The following ATP13A5 variants were observed in gnomAD, a reference collection of about 807,000 sequenced individuals.
ATP13A5 encodes probable cation-transporting ATPase 13A5.
Under a neutral mutation model 150.2 loss-of-function variants are expected in ATP13A5, and 149 were observed. That is an observed-to-expected ratio of 0.99 (90% confidence interval 0.87 to 1.14). ATP13A5 has a LOEUF of 1.14. Ranked by LOEUF, ATP13A5 falls within the 50% of genes most tolerant of loss-of-function variation. The pLI is 0.00. For synonymous variants in ATP13A5, 497 were observed against 522.2 expected (o/e 0.95, Z 0.66); for missense variants, 1,383 against 1,449.3 (o/e 0.95, Z 0.74).
At chr3:193,301,149 T>G in intron 24 of ATP13A5, 62 bp downstream of exon 24, 1 of 1,287,262 alleles carries the variant, frequency 7.8e-7, no homozygotes, top group Non-Finnish European at 1.1e-6. Context: ...AGCTACACCC[T>G]GAATAATAAA....
At chr3:193,372,037 A>C (rs1713458422) in intron 1 of ATP13A5, among the ~76,000 whole-genome samples, 1 of 151,996 alleles carries the variant, frequency 6.6e-6, no homozygotes, top group South Asian at 2.1e-4. Flanking sequence ...GCGGTGGCTC[A>C]CACCTGTAAT....
intron 25 of ATP13A5, among the ~76,000 whole-genome samples, chr3:193,293,347 A>G (rs1268208508): frequency 1.3e-5 from 2 of 152,128 alleles, no homozygotes; most frequent in African/African-American, 4.8e-5. Flanking sequence ...AGGAATACTA[A>G]CTTCTGAAGT....
intron 19 of ATP13A5, chr3:193,312,882 G>T (rs1473262910): frequency 6.6e-6 from 1 of 152,152 alleles, no homozygotes; most frequent in African/African-American, 2.4e-5. Context: ...CCTGAGACAA[G>T]GGCAGGAATT....
intron 7 of ATP13A5, among the ~76,000 whole-genome samples, chr3:193,347,042 T>C (rs185856502): frequency 5.9e-4 from 90 of 152,274 alleles, no homozygotes; most frequent in African/African-American, 2.0e-3. Flanking sequence ...ATTTAGTCGT[T>C]TTCTCTGTAA....
chr3:193,356,221 T>C (rs961535277), intron 5 of ATP13A5, among the ~76,000 whole-genome samples: 13 of 151,976 alleles, frequency 8.6e-5, no homozygotes, highest in African/African-American at 1.9e-4. Flanking sequence ...TTTTTCATTA[T>C]AGTGCATATA....
At chr3:193,363,123 A>G (rs1290448883) in intron 3 of ATP13A5, 113 bp downstream of exon 3, 1 of 1,289,448 alleles carries the variant, frequency 7.8e-7, no homozygotes, top group Non-Finnish European at 1.1e-6. Context: ...TCTTTGATAC[A>G]TAGCTGTCAT....
chr3:193,347,960 C>A (rs78112049), intron 7 of ATP13A5, among the ~76,000 whole-genome samples: 1 of 152,158 alleles, frequency 6.6e-6, no homozygotes, highest in Non-Finnish European at 1.5e-5. Context: ...AAGAAAGGCA[C>A]CATGTACATT....
intron 26 of ATP13A5, among the ~76,000 whole-genome samples, chr3:193,289,245 C>A (rs1227505577): frequency 1.3e-5 from 2 of 152,038 alleles, no homozygotes; most frequent in African/African-American, 4.8e-5. Context: ...TATAGCCTAC[C>A]ACAAAAACAT....
At chr3:193,299,325 G>T (rs965265986) in intron 24 of ATP13A5, 122 bp from the exon 25 acceptor site, 3 of 645,246 alleles carry the variant, frequency 4.6e-6, no homozygotes, top group Non-Finnish European at 7.8e-6. Flanking sequence ...TCTTCAGGAA[G>T]AAAATGACTA....
chr3:193,293,142 T>C (rs958144332), intron 25 of ATP13A5, among the ~76,000 whole-genome samples: 3 of 152,092 alleles, frequency 2.0e-5, no homozygotes, highest in African/African-American at 7.2e-5. Flanking sequence ...TATTTCTGAT[T>C]GTGAAGCCCT....
intron 16 of ATP13A5, among the ~76,000 whole-genome samples, 200 bp from the exon 17 acceptor site, chr3:193,319,308 C>A (rs1398608518): frequency 6.6e-6 from 1 of 152,190 alleles, no homozygotes; most frequent in Non-Finnish European, 1.5e-5. Context: ...AATGTCAAAG[C>A]CGTGCTGGTC....
In ATP13A5 at chr3:193,288,752, G is replaced by C. The variant is rs1717826381; in HGVS notation, c.3023+1133C>G. On this transcript the variant is annotated intron_variant, in intron 26 of 29. Coordinates refer to ENST00000342358, the MANE Select transcript of ATP13A5 (RefSeq NM_198505.4). ...TAGTCACAAAGCATTTTTACAAAAAGAGGAACAGACAGACTAGATGGCCTG... is the reference window on the plus strand; with the variant it reads ...TAGTCACAAAGCATTTTTACAAAAACAGGAACAGACAGACTAGATGGCCTG... 2.0e-5 allele frequency among the ~76,000 whole-genome samples: 3 copies of C among 152,080 alleles called. No homozygotes were observed. The South Asian group carries it at 6.2e-4, about 31-fold the overall frequency.
intron 1 of ATP13A5, among the ~76,000 whole-genome samples, chr3:193,374,789 G>T (rs1031062858): frequency 6.6e-6 from 1 of 152,172 alleles, no homozygotes; most frequent in Non-Finnish European, 1.5e-5. Context: ...GAGGTGGGGC[G>T]AATAAGAGGT....
chr3:193,304,914 A>C (rs1419189354), intron 23 of ATP13A5, among the ~76,000 whole-genome samples: 1 of 152,180 alleles, frequency 6.6e-6, no homozygotes, highest in African/African-American at 2.4e-5. Context: ...AAGACAAGAG[A>C]GAGGAAGCAC....
At chr3:193,351,578 A>C (rs1160641414) in intron 6 of ATP13A5, among the ~76,000 whole-genome samples, 1 of 152,220 alleles carries the variant, frequency 6.6e-6, no homozygotes, top group Non-Finnish European at 1.5e-5. Flanking sequence ...GGAACAGTTT[A>C]ATTGCAGTTT....
intron 21 of ATP13A5, among the ~76,000 whole-genome samples, chr3:193,308,730 A>G (rs542758818): frequency 1.3e-5 from 2 of 152,292 alleles, no homozygotes; most frequent in East Asian, 3.9e-4. Context: ...GAAGATTGGG[A>G]TGTTGAGAAG....
At chr3:193,346,254 G>A (rs1712331094) in intron 7 of ATP13A5, among the ~76,000 whole-genome samples, 1 of 152,152 alleles carries the variant, frequency 6.6e-6, no homozygotes, top group Non-Finnish European at 1.5e-5. Flanking sequence ...AAACAGTTGT[G>A]AGAGCACGTT....
chr3:193,335,125 T>A, intron 9 of ATP13A5, 26 bp from the exon 10 acceptor site: 1 of 1,610,838 alleles, frequency 6.2e-7, no homozygotes, highest in Non-Finnish European at 8.5e-7. Flanking sequence ...TTTTGTTGAA[T>A]CTATGTAAGC....
intron 1 of ATP13A5, among the ~76,000 whole-genome samples, chr3:193,371,079 C>A (rs1713421690): frequency 6.6e-6 from 1 of 152,132 alleles, no homozygotes; most frequent in South Asian, 2.1e-4. Flanking sequence ...CAGCAGAGAG[C>A]TGTAAGTGTG....
Sources: gnomAD v4.1 joint callset for allele counts (sites outside exome capture counted in the v4.1 genomes callset) on GRCh38, gnomAD v4.1.1 for gene constraint, MANE v1.5 for transcripts, NCBI Gene and HGNC (gene_info 2026-07-23, HGNC 2026-07-21) for gene names.